Variants in CCNG2 observed in about 807,000 individuals in gnomAD.
CCNG2 encodes the protein cyclin G2.
A neutral mutation model predicts 36.5 loss-of-function variants in CCNG2; 20 were observed. The observed-to-expected ratio is 0.55, with a 90% CI of 0.39 to 0.80. The LOEUF is 0.80. Ranked by LOEUF, CCNG2 falls within the 30% of genes least tolerant of loss-of-function variation. The probability of loss-of-function intolerance (pLI) is 0.00; values close to 1 mark genes in which losing one functional copy is unlikely to be tolerated. For missense variants in CCNG2, 358 were observed against 390.8 expected, an observed-to-expected ratio of 0.92 and a Z score of 0.71; for synonymous variants, 155 against 140.1, an observed-to-expected ratio of 1.11 and a Z score of -0.75.
In CCNG2 at chr4:77,168,522, C is replaced by T. The variant is rs1731686381; in HGVS notation, c.*2598C>T. 3 of 152,162 alleles carry T rather than the reference C, an allele frequency of 2.0e-5. No individual in the cohort carries two copies. Among genetic ancestry groups the T allele is most frequent in the Non-Finnish European group, 4.4e-5 (3 of 68,024 alleles). The allele number at this position is 152,162 out of a possible 1,614,324, so 9.4% of individuals were successfully genotyped here. A position where few individuals can be genotyped will look rare whatever the true frequency, so the allele number is the denominator to read the frequency against. ...TCTCTGTCTAATCTGAACACTGCAC[C>T]TGTCTCTGGCCTTTTTTTCTTGTCA... is the stretch of plus-strand genomic sequence containing the variant. On this transcript the variant is annotated 3_prime_UTR_variant, in exon 8 of 8. Coordinates refer to ENST00000316355, the MANE Select transcript of CCNG2 (RefSeq NM_004354.3).
At position 77,167,168 on chromosome 4, in the gene CCNG2, G is replaced by A. The variant is rs990095120; in HGVS notation, c.*1244G>A. The A allele has an allele frequency of 6.6e-6, 1 of 152,200 alleles. No individual in the cohort carries two copies. Among genetic ancestry groups the A allele is most frequent in the African/African-American group, 2.4e-5 (1 of 41,446 alleles). 9.4% of individuals were successfully genotyped at this position (152,200 alleles called of 1,614,324 possible). ...TTTCTGAAGTGGCTCTTTTTGAAGT[G>A]ATAATAGATTGTAATTCAAAATAAA... On this transcript the variant is annotated 3_prime_UTR_variant, in exon 8 of 8. Coordinates refer to ENST00000316355, the MANE Select transcript of CCNG2 (RefSeq NM_004354.3).
At position 77,159,389 on chromosome 4, in the gene CCNG2, G is replaced by A; in HGVS notation, c.161G>A (p.Gly54Glu). 1 of 1,613,208 alleles carries A rather than the reference G, an allele frequency of 6.2e-7. No homozygotes were observed. The part of the protein sequence containing the change: ...TPENDNTLCP[G>E]LRNAKVEDLR... ...CAGAATGATAACACTTTGTGTCCAG[G>A]ATTGAGAAATGCCAAAGTTGAAGAT... Residue 54 changes from glycine to glutamate, a missense_variant, in exon 3 of 8, where the codon GGA becomes GAA. Gly to Glu is a moderately conservative substitution (Grantham distance 98). Coordinates refer to ENST00000316355, the MANE Select transcript of CCNG2 (RefSeq NM_004354.3).
At chr4:77,165,271 C>T (rs1436223287) in intron 7 of CCNG2, among the ~76,000 whole-genome samples, 1 of 152,032 alleles carries the variant, frequency 6.6e-6, no homozygotes, top group Admixed American at 6.6e-5. Flanking sequence ...AGACCATATG[C>T]TAGGAGGTAT....
intron 6 of CCNG2, 48 bp downstream of exon 6, chr4:77,161,795 AT>A (rs752187779): frequency 5.1e-6 from 6 of 1,183,320 alleles, no homozygotes; most frequent in African/African-American, 3.1e-5. Context: ...CCTGATGTTT[AT>A]TTTTTTCTGT....
chr4:77,163,384 T>G (rs1444326745), intron 6 of CCNG2, among the ~76,000 whole-genome samples: 1 of 152,162 alleles, frequency 6.6e-6, no homozygotes, highest in African/African-American at 2.4e-5. Context: ...ATTGGGTGTG[T>G]CAGAGGTAAT....
At chr4:77,164,810 T>A (rs4150090) in intron 7 of CCNG2, 15,192 of 182,078 alleles carry the variant, frequency 0.083, 712 homozygotes, top group African/African-American at 0.12. Flanking sequence ...GTGCTGAGAT[T>A]ACAGGTGTGA....
intron 6 of CCNG2, among the ~76,000 whole-genome samples, chr4:77,162,609 C>T (rs1338478844): frequency 6.6e-6 from 1 of 152,046 alleles, no homozygotes; most frequent in Admixed American, 6.6e-5. Flanking sequence ...TCTTGAACTC[C>T]TGACTTCAAG....
At chr4:77,160,293 C>A (rs922820186) in intron 3 of CCNG2, among the ~76,000 whole-genome samples, 5 of 150,392 alleles carry the variant, frequency 3.3e-5, no homozygotes, top group Non-Finnish European at 5.9e-5. Context: ...AGGAATCTAG[C>A]TTTTGAACCT....
chr4:77,161,579 T>C lies in CCNG2; in HGVS notation c.606+21T>C, dbSNP rs4150071. The C allele has an allele frequency of 1.1e-3, 1,774 of 1,585,058 alleles. 29 individuals are homozygous for C. The African/African-American group carries it at 0.02, about 18-fold the overall frequency. On this transcript the variant is annotated intron_variant, in intron 5 of 7. Coordinates refer to ENST00000316355, the MANE Select transcript of CCNG2 (RefSeq NM_004354.3). ...CAAAAGTAAGTCGATTCCTTGCTTA[T>C]GTATATATCTCACAGTTTGTATTTT... is the stretch of plus-strand genomic sequence containing the variant.
intron 6 of CCNG2, among the ~76,000 whole-genome samples, 181 bp from the exon 7 acceptor site, chr4:77,164,093 A>G (rs1271716245): frequency 6.6e-6 from 1 of 152,174 alleles, no homozygotes; most frequent in African/African-American, 2.4e-5. Context: ...TAGGGAACTT[A>G]GAAAACTCTT....
chr4:77,161,582 A>G (rs183221863), intron 5 of CCNG2, 24 bp downstream of exon 5: 4 of 1,580,616 alleles, frequency 2.5e-6, no homozygotes, highest in Admixed American at 1.8e-5. Context: ...TTGCTTATGT[A>G]TATATCTCAC....
chr4:77,163,972 T>C (rs1433661682), intron 6 of CCNG2, among the ~76,000 whole-genome samples: 1 of 152,240 alleles, frequency 6.6e-6, no homozygotes, highest in Admixed American at 6.5e-5. Context: ...TTTCTTAGAA[T>C]AGGCAAAGCT....
chr4:77,160,975 A>G lies in CCNG2; in HGVS notation c.527+4A>G. 6.3e-7 allele frequency: 1 copy of G among 1,594,966 alleles called. No individual in the cohort carries two copies. Among genetic ancestry groups the G allele is most frequent in the Non-Finnish European group, 8.5e-7 (1 of 1,174,304 alleles). ...TACTTTGTCATACTTCAGAAAGGTC[A>G]GTGGGATTAAAGATACATTTTGTAC... On this transcript the variant is annotated splice_donor_region_variant and intron_variant, in intron 4 of 7. Transcript: ENST00000316355.
intron 6 of CCNG2, 79 bp downstream of exon 6, chr4:77,161,826 A>G (rs1731446743): frequency 1.2e-6 from 1 of 824,680 alleles, no homozygotes; most frequent in East Asian, 2.5e-5. Flanking sequence ...AACATTAAGT[A>G]ATACTTTATG....
In CCNG2 at chr4:77,166,091, T is replaced by TAAGCCATCAAATGGGGTCC. The variant is rs1214234441; in HGVS notation, c.*184_*185insCCAAGCCATCAAATGGGGT. On this transcript the variant is annotated 3_prime_UTR_variant, in exon 8 of 8. Transcript: ENST00000316355. Reference sequence around the variant, plus strand: ...ATCTGGCCTATTTTCATATTTATCCTAAGCCATCAAATGGGGTAGTGCCTC... The same window carrying TAAGCCATCAAATGGGGTCC: ...ATCTGGCCTATTTTCATATTTATCCTAAGCCATCAAATGGGGTCCAAGCCATCAAATGGGGTAGTGCCTC... 1.7e-4 allele frequency: 95 copies of TAAGCCATCAAATGGGGTCC among 552,690 alleles called. 1 individual carries two copies. The highest frequency in any genetic ancestry group is 2.4e-4 in the Admixed American group (6 of 24,952). 34.2% of individuals were successfully genotyped at this position (552,690 alleles called of 1,614,324 possible). A position where few individuals can be genotyped will look rare whatever the true frequency, so the allele number is the denominator to read the frequency against.
At chr4:77,165,385 A>G (rs1379816048) in intron 7 of CCNG2, among the ~76,000 whole-genome samples, 1 of 152,070 alleles carries the variant, frequency 6.6e-6, no homozygotes, top group Non-Finnish European at 1.5e-5. Flanking sequence ...TTTGGCAAAT[A>G]GTAACTTGTT....
At chr4:77,165,588 T>A (rs1731608379) in intron 7 of CCNG2, among the ~76,000 whole-genome samples, 2 of 152,148 alleles carry the variant, frequency 1.3e-5, no homozygotes, top group Admixed American at 1.3e-4. Flanking sequence ...ATGACAGGGA[T>A]GAGCCACTGC....
At chr4:77,161,255 A>G (rs950144849) in intron 4 of CCNG2, among the ~76,000 whole-genome samples, 2 of 152,072 alleles carry the variant, frequency 1.3e-5, no homozygotes, top group African/African-American at 2.4e-5. Flanking sequence ...GGCGTGCGCC[A>G]CCACACCTGG....
intron 1 of CCNG2, chr4:77,158,289 GGCTGGCCGGTCTTACCCAGC>G (rs1018727158): frequency 3.1e-5 from 16 of 515,574 alleles, no homozygotes; most frequent in African/African-American, 9.8e-5. Flanking sequence ...AAGAGGCCAG[GGCTGGCCGGTCTTACCCAGC>G]GCTGGCCGGC....
Sources: gnomAD v4.1 joint callset for allele counts (sites outside exome capture counted in the v4.1 genomes callset) on GRCh38, gnomAD v4.1.1 for gene constraint, MANE v1.5 for transcripts, NCBI Gene and HGNC (gene_info 2026-07-23, HGNC 2026-07-21) for gene names.